The following TAFA2 variants were observed in gnomAD, a reference collection of about 807,000 sequenced individuals.
TAFA2 encodes TAFA chemokine like family member 2, also known as chemokine-like protein TAFA-2.
A neutral mutation model predicts 18.8 loss-of-function variants in TAFA2; 7 were observed. The observed-to-expected ratio is 0.37, with a 90% CI of 0.21 to 0.70. The LOEUF (loss-of-function observed/expected upper bound fraction) is 0.70, where lower values mean the gene tolerates loss of function less well. TAFA2 is among the 30% of genes least tolerant of loss of function. The pLI is 0.53. For synonymous variants in TAFA2, 60 were observed against 54.2 expected, an observed-to-expected ratio of 1.11 and a Z score of -0.47; for missense variants, 122 against 158.1, an observed-to-expected ratio of 0.77 and a Z score of 1.23.
intron 1 of TAFA2, among the ~76,000 whole-genome samples, chr12:62,127,647 G>T (rs1159443015): frequency 1.3e-5 from 2 of 151,942 alleles, no homozygotes; most frequent in African/African-American, 4.8e-5. Flanking sequence ...GACCATGAAG[G>T]TCTTAAACAC....
chr12:62,187,036 T>G (rs1176813971), intron 1 of TAFA2, among the ~76,000 whole-genome samples: 1 of 152,144 alleles, frequency 6.6e-6, no homozygotes, highest in African/African-American at 2.4e-5. Context: ...TTTCTGGCAA[T>G]TTTGTAGATA....
intron 1 of TAFA2, among the ~76,000 whole-genome samples, chr12:62,079,474 G>A (rs191215701): frequency 0.017 from 2,427 of 145,914 alleles, 57 homozygotes; most frequent in African/African-American, 0.057. Flanking sequence ...CCAACATGGT[G>A]AAACCCCGTC....
chr12:62,178,565 G>A (rs1388677168), intron 1 of TAFA2, among the ~76,000 whole-genome samples: 1 of 152,150 alleles, frequency 6.6e-6, no homozygotes, highest in Non-Finnish European at 1.5e-5. Context: ...CCAGATTAGA[G>A]ACAGAGGAGT....
At chr12:62,170,581 G>A (rs2062470778) in intron 1 of TAFA2, among the ~76,000 whole-genome samples, 1 of 152,026 alleles carries the variant, frequency 6.6e-6, no homozygotes, top group Admixed American at 6.5e-5. Flanking sequence ...CACTAAAGAG[G>A]GACCATCTAG....
At chr12:61,990,058 C>G (rs539464556) in intron 1 of TAFA2, among the ~76,000 whole-genome samples, 1 of 152,246 alleles carries the variant, frequency 6.6e-6, no homozygotes, top group South Asian at 2.1e-4. Context: ...TGAAAACCAG[C>G]TCTAAATCTG....
chr12:61,849,290 A>C (rs1340250272), intron 2 of TAFA2, among the ~76,000 whole-genome samples: 1 of 152,218 alleles, frequency 6.6e-6, no homozygotes, highest in Non-Finnish European at 1.5e-5. Flanking sequence ...AAGTGCATTC[A>C]GCTCAAACCC....
intron 2 of TAFA2, among the ~76,000 whole-genome samples, chr12:61,797,661 T>C (rs1341530354): frequency 6.6e-6 from 1 of 152,246 alleles, no homozygotes; most frequent in Non-Finnish European, 1.5e-5. Context: ...TAGACTCATT[T>C]TATTCAATCA....
At chr12:61,830,154 A>G (rs1054737727) in intron 2 of TAFA2, among the ~76,000 whole-genome samples, 1 of 151,250 alleles carries the variant, frequency 6.6e-6, no homozygotes, top group African/African-American at 2.4e-5. Context: ...TTATGATCCA[A>G]TGGATCCAAT....
At chr12:61,922,748 A>G (rs890117732) in intron 1 of TAFA2, among the ~76,000 whole-genome samples, 6 of 152,118 alleles carry the variant, frequency 3.9e-5, no homozygotes, top group African/African-American at 1.4e-4. Context: ...GAGAGACAGA[A>G]CCATTCACTC....
In TAFA2 at chr12:61,834,447, G is replaced by T. The variant is rs567913112; in HGVS notation, c.106+32873C>A. ...AATATTGAACTTAGCCTGACCCAGT[G>T]ACTTTGGCTTCTACCGAGGGAAATC... On this transcript the variant is annotated intron_variant, in intron 2 of 4. Coordinates refer to ENST00000416284, the MANE Select transcript of TAFA2 (RefSeq NM_178539.5). Among the ~76,000 whole-genome samples, 11 of 152,148 alleles carry T rather than the reference G, an allele frequency of 7.2e-5. No individual in the cohort carries two copies. The East Asian group carries it at 2.1e-3, about 30-fold the overall frequency.
chr12:61,906,430 T>A (rs1056815652), intron 1 of TAFA2, among the ~76,000 whole-genome samples: 4 of 152,152 alleles, frequency 2.6e-5, no homozygotes, highest in African/African-American at 9.7e-5. Flanking sequence ...GTGACTTTGT[T>A]CCTCCTTTGC....
intron 2 of TAFA2, among the ~76,000 whole-genome samples, chr12:61,814,418 A>T (rs1275422930): frequency 3.3e-5 from 5 of 151,340 alleles, no homozygotes; most frequent in Non-Finnish European, 7.3e-5. Context: ...ATGGGCAGAC[A>T]TTGAAGGATC....
intron 1 of TAFA2, among the ~76,000 whole-genome samples, chr12:61,930,014 G>C (rs986950039): frequency 3.4e-5 from 5 of 146,772 alleles, no homozygotes; most frequent in African/African-American, 1.4e-4. Flanking sequence ...GTGGGGTGGG[G>C]GTAGGGGGGA....
intron 1 of TAFA2, among the ~76,000 whole-genome samples, chr12:62,068,620 T>A (rs898885408): frequency 7.9e-5 from 12 of 152,110 alleles, no homozygotes; most frequent in African/African-American, 2.7e-4. Context: ...TCACATTCTA[T>A]TAGAACATGA....
upstream of TAFA2, among the ~76,000 whole-genome samples, chr12:62,196,519 C>A (rs543202888): frequency 8.5e-5 from 13 of 152,062 alleles, no homozygotes; most frequent in Admixed American, 2.0e-4. Flanking sequence ...TATTAATGGG[C>A]CTAATTTCAA....
At chr12:61,973,177 C>T (rs1189823494) in intron 1 of TAFA2, among the ~76,000 whole-genome samples, 1 of 151,590 alleles carries the variant, frequency 6.6e-6, no homozygotes, top group Non-Finnish European at 1.5e-5. Flanking sequence ...TCTATTTCTT[C>T]TACCCAGGAG....
chr12:61,864,617 CA>C (rs1236609449), intron 2 of TAFA2, among the ~76,000 whole-genome samples: 2 of 151,192 alleles, frequency 1.3e-5, no homozygotes, highest in East Asian at 2.0e-4. Flanking sequence ...ACTAAAAATA[CA>C]AAAAATTAGT....
At chr12:62,076,055 C>T (rs533802265) in intron 1 of TAFA2, among the ~76,000 whole-genome samples, 39 of 152,290 alleles carry the variant, frequency 2.6e-4, no homozygotes, top group Non-Finnish European at 5.1e-4. Context: ...CCTTTAAATT[C>T]ATACTTCCTC....
At chr12:62,217,870 A>G (rs73317663) in intron 1 of TAFA2, among the ~76,000 whole-genome samples, 1 of 152,318 alleles carries the variant, frequency 6.6e-6, no homozygotes, top group African/African-American at 2.4e-5. Context: ...CCAAAATGCT[A>G]TTGAGTTGAG....
Sources: allele counts gnomAD v4.1 joint callset (sites outside exome capture counted in the v4.1 genomes callset), GRCh38; gene constraint gnomAD v4.1.1; transcripts MANE v1.5; gene names NCBI Gene and HGNC (gene_info 2026-07-23, HGNC 2026-07-21).